The following SPAG16 variants were observed in gnomAD, a reference collection of about 807,000 sequenced individuals.
SPAG16 encodes the protein sperm-associated antigen 16 protein.
In SPAG16, 86 loss-of-function variants were observed where a neutral mutation model predicts 80.4. The observed-to-expected ratio is 1.07, with a 90% CI of 0.90 to 1.28. The LOEUF is 1.28. Ranked by LOEUF, SPAG16 falls within the 50% of genes most tolerant of loss-of-function variation. The pLI, the probability that SPAG16 is intolerant of heterozygous loss-of-function variation, is 0.00. For synonymous variants in SPAG16, 294 were observed against 265.9 expected (o/e 1.11, Z -1.03); for missense variants, 870 against 765.3 (o/e 1.14, Z -1.61).
Position 214,243,524 on chromosome 2 carries a change from A to G in SPAG16, c.1720+94258A>G, listed in dbSNP as rs567357514. On this transcript the variant is annotated intron_variant, in intron 15 of 15. Coordinates refer to ENST00000331683, the MANE Select transcript of SPAG16 (RefSeq NM_024532.5). ...TGAGTATAGTATGAATTATCTTTTT[A>G]TAATATCTTTGATATATAAATATTC... Among the ~76,000 whole-genome samples the G allele has an allele frequency of 2.0e-5, 3 of 152,188 alleles. No individual in the cohort carries two copies. The South Asian group carries it at 6.2e-4, about 32-fold the overall frequency.
intron 10 of SPAG16, among the ~76,000 whole-genome samples, chr2:213,611,795 T>C (rs983804530): frequency 1.3e-5 from 2 of 152,150 alleles, no homozygotes; most frequent in African/African-American, 4.8e-5. Context: ...TTTGGAGAAG[T>C]AAAGACATCT....
chr2:213,364,208 G>A (rs1240620342), intron 8 of SPAG16, 63 bp downstream of exon 8: 4 of 947,590 alleles, frequency 4.2e-6, no homozygotes, highest in Middle Eastern at 2.5e-4. Context: ...AACCTTATCA[G>A]TGATTAATAT....
At chr2:213,563,493 C>T (rs1398552794) in intron 10 of SPAG16, among the ~76,000 whole-genome samples, 1 of 152,206 alleles carries the variant, frequency 6.6e-6, no homozygotes, top group Non-Finnish European at 1.5e-5. Context: ...CTAGTCAGAA[C>T]TCTCTTTCTG....
At chr2:213,732,367 A>G (rs1181997947) in intron 10 of SPAG16, among the ~76,000 whole-genome samples, 1 of 152,144 alleles carries the variant, frequency 6.6e-6, no homozygotes. Flanking sequence ...AATACAGGTA[A>G]CAAAGAAAGT....
chr2:213,802,889 A>G (rs1475273490), intron 10 of SPAG16, among the ~76,000 whole-genome samples: 4 of 152,194 alleles, frequency 2.6e-5, no homozygotes, highest in Admixed American at 6.5e-5. Flanking sequence ...AGAAGAAAAT[A>G]TAGAAATTAT....
chr2:214,364,664 G>A (rs1224599073), intron 15 of SPAG16, among the ~76,000 whole-genome samples: 2 of 152,122 alleles, frequency 1.3e-5, no homozygotes, highest in Non-Finnish European at 2.9e-5. Flanking sequence ...TTTCAAAGTG[G>A]TTTCTGATTA....
At chr2:213,674,480 C>G (rs2063954586) in intron 10 of SPAG16, among the ~76,000 whole-genome samples, 1 of 151,114 alleles carries the variant, frequency 6.6e-6, no homozygotes, top group South Asian at 2.1e-4. Flanking sequence ...GTGCGCTGCA[C>G]CCACTAACTC....
intron 12 of SPAG16, among the ~76,000 whole-genome samples, chr2:213,944,862 C>T (rs933803584): frequency 6.6e-5 from 10 of 152,024 alleles, no homozygotes; most frequent in African/African-American, 1.5e-4. Flanking sequence ...GGCGAAACCC[C>T]GTGTCTACTA....
intron 10 of SPAG16, among the ~76,000 whole-genome samples, chr2:213,802,305 CT>C (rs1184638485): frequency 6.6e-6 from 1 of 152,128 alleles, no homozygotes; most frequent in Non-Finnish European, 1.5e-5. Context: ...CATTGCCCTT[CT>C]TTACCATTTT....
chr2:213,720,236 G>C (rs2066452656), intron 10 of SPAG16, among the ~76,000 whole-genome samples: 1 of 152,070 alleles, frequency 6.6e-6, no homozygotes, highest in Admixed American at 6.6e-5. Flanking sequence ...ACCTAATGTA[G>C]ATGAGGGGTT....
At chr2:214,169,434 T>C (rs1306961183) in intron 15 of SPAG16, among the ~76,000 whole-genome samples, 1 of 152,024 alleles carries the variant, frequency 6.6e-6, no homozygotes, top group Non-Finnish European at 1.5e-5. Flanking sequence ...GTCAGTACTT[T>C]GCATTTTGGT....
chr2:213,593,746 CTTTTTTTTTTTTTTTTT>C (rs541949006), intron 10 of SPAG16, among the ~76,000 whole-genome samples: 19 of 50,186 alleles, frequency 3.8e-4, no homozygotes, highest in South Asian at 2.5e-3. Context: ...CCCACCACAT[CTTTTTTTTTTTTTTTTT>C]TTTTTTTTTT....
chr2:214,255,529 T>C (rs1211879049), intron 15 of SPAG16, among the ~76,000 whole-genome samples: 1 of 151,998 alleles, frequency 6.6e-6, no homozygotes, highest in Non-Finnish European at 1.5e-5. Flanking sequence ...TCAATACAGT[T>C]ACTCTAAACA....
intron 10 of SPAG16, among the ~76,000 whole-genome samples, chr2:213,563,077 A>G (rs535374430): frequency 4.6e-5 from 7 of 152,214 alleles, no homozygotes; most frequent in South Asian, 4.2e-4. Context: ...TTCATCTTCT[A>G]TGTCTCTATT....
At chr2:213,855,404 T>C (rs1462431943) in intron 10 of SPAG16, among the ~76,000 whole-genome samples, 2 of 152,232 alleles carry the variant, frequency 1.3e-5, no homozygotes, top group African/African-American at 4.8e-5. Flanking sequence ...GTGGATCACT[T>C]AACCTCTATG....
rs539615253 is a variant in SPAG16 at position 213,494,012 on chromosome 2, C to A, written c.1070+3922C>A. On this transcript the variant is annotated intron_variant, in intron 10 of 15. Coordinates refer to ENST00000331683, the MANE Select transcript of SPAG16 (RefSeq NM_024532.5). Reference sequence around the variant, plus strand: ...ACTCCCCGTGTCCACCACCAGTCATCACTCACTCATTCTCATTTTCTTCAC... The same window carrying A: ...ACTCCCCGTGTCCACCACCAGTCATAACTCACTCATTCTCATTTTCTTCAC... 3.3e-5 allele frequency among the ~76,000 whole-genome samples: 5 copies of A among 152,286 alleles called. No individual in the cohort carries two copies. The East Asian group carries it at 7.7e-4, about 24-fold the overall frequency.
intron 10 of SPAG16, among the ~76,000 whole-genome samples, chr2:213,789,393 T>C (rs1394505951): frequency 3.3e-5 from 5 of 151,992 alleles, no homozygotes; most frequent in Admixed American, 2.6e-4. Context: ...TAAGAATGAC[T>C]AATAGTTATG....
intron 5 of SPAG16, among the ~76,000 whole-genome samples, chr2:213,329,702 A>G (rs11685639): frequency 0.2 from 30,819 of 152,182 alleles, 3,895 homozygotes; most frequent in Non-Finnish European, 0.29. Flanking sequence ...AGAAATTTGC[A>G]TAAGTAATGA....
intron 15 of SPAG16, among the ~76,000 whole-genome samples, chr2:214,224,308 C>G (rs914281747): frequency 3.3e-5 from 5 of 152,092 alleles, no homozygotes; most frequent in African/African-American, 1.2e-4. Flanking sequence ...CAAACAATGA[C>G]TTGATTTCTT....
Sources: gnomAD v4.1 joint callset for allele counts (sites outside exome capture counted in the v4.1 genomes callset) on GRCh38, gnomAD v4.1.1 for gene constraint, MANE v1.5 for transcripts, NCBI Gene and HGNC (gene_info 2026-07-23, HGNC 2026-07-21) for gene names.